Variants in SCMH1 observed in about 807,000 individuals in gnomAD.
SCMH1 encodes Scm polycomb group protein homolog 1, also known as polycomb protein SCMH1.
SCMH1 carries 37 observed loss-of-function variants against 70.8 expected under a neutral mutation model. The ratio of observed to expected loss-of-function variants is 0.52; its 90% CI spans 0.40 to 0.69. The LOEUF (loss-of-function observed/expected upper bound fraction) is 0.69. Ranked by LOEUF, SCMH1 falls within the 30% of genes least tolerant of loss-of-function variation. SCMH1 has a pLI of 0.00. For synonymous variants in SCMH1, 292 were observed against 307.4 expected (o/e 0.95, Z 0.52); for missense variants, 607 against 827.3 (o/e 0.73, Z 3.27).
chr1:41,119,085 A>G (rs754009876), intron 6 of SCMH1, among the ~76,000 whole-genome samples: 8 of 152,218 alleles, frequency 5.3e-5, no homozygotes, highest in Non-Finnish European at 1.0e-4. Context: ...GCAAACGAAA[A>G]GACAGGATTA....
chr1:41,173,842 T>A (rs1037861646), intron 2 of SCMH1, among the ~76,000 whole-genome samples: 1 of 152,098 alleles, frequency 6.6e-6, no homozygotes, highest in Non-Finnish European at 1.5e-5. Context: ...AACATCAGGT[T>A]AATGAAATAA....
At chr1:41,046,765 T>G (rs1033381913) in intron 11 of SCMH1, 167 bp from the exon 12 acceptor site, 5 of 608,754 alleles carry the variant, frequency 8.2e-6, no homozygotes, top group African/African-American at 1.9e-5. Flanking sequence ...CCTCGAGGGC[T>G]TTGATTTTTG....
intron 2 of SCMH1, among the ~76,000 whole-genome samples, chr1:41,171,258 T>G (rs1408636005): frequency 2.0e-5 from 3 of 152,182 alleles, no homozygotes; most frequent in Non-Finnish European, 4.4e-5. Context: ...GGGACAGCAT[T>G]TTGTCCAGCT....
intron 1 of SCMH1, among the ~76,000 whole-genome samples, chr1:41,238,989 ACAAT>A (rs1662947584): frequency 6.6e-6 from 1 of 152,150 alleles, no homozygotes; most frequent in South Asian, 2.1e-4. Flanking sequence ...ACCTGCACAT[ACAAT>A]CAATCATTAA....
intron 6 of SCMH1, 101 bp downstream of exon 6, chr1:41,142,777 G>A (rs917634315): frequency 1.0e-6 from 1 of 964,306 alleles, no homozygotes; most frequent in Non-Finnish European, 1.6e-6. Context: ...GAAAAATAAG[G>A]GATAAGCTGG....
intron 2 of SCMH1, among the ~76,000 whole-genome samples, chr1:41,181,517 C>T (rs958283720): frequency 2.0e-5 from 3 of 152,148 alleles, no homozygotes; most frequent in African/African-American, 4.8e-5. Flanking sequence ...AAACACACAA[C>T]CCCATCAAAA....
At chr1:41,186,138 A>T (rs1228862103) in exon 2 of SCMH1, 2 of 1,517,512 alleles carry the variant, frequency 1.3e-6, no homozygotes, top group Non-Finnish European at 1.8e-6. Context: ...CTGCATAGTC[A>T]ATGGACTAAA....
chr1:41,242,089 C>A lies in SCMH1; in HGVS notation c.-148G>T. Reference sequence around the variant, plus strand: ...GGCGCGGCGGGGGCGCGGGGCGGCTCACTCTCTTCCCGCCGCCATGTTTCC... The same window carrying A: ...GGCGCGGCGGGGGCGCGGGGCGGCTAACTCTCTTCCCGCCGCCATGTTTCC... On this transcript the variant is annotated 5_prime_UTR_variant, in exon 1 of 15. It removes the in-frame stop codon of an upstream open reading frame in the 5' UTR. Coordinates refer to ENST00000337495, the Ensembl canonical transcript of SCMH1. The surrounding 1 kb of genome is among the most constrained non-coding windows in gnomAD (Gnocchi z 5.2). 1 of 150,440 alleles carries A rather than the reference C, an allele frequency of 6.6e-6. No homozygotes were observed. The highest frequency in any genetic ancestry group is 1.9e-4 in the South Asian group (1 of 5,372). The allele number at this position is 150,440 out of a possible 1,614,324, so 9.3% of individuals were successfully genotyped here.
Position 41,113,614 on chromosome 1 carries a change from G to T in SCMH1, c.502-88C>A. The T allele has an allele frequency of 7.0e-7, 1 of 1,434,314 alleles. No individual in the cohort carries two copies. The highest frequency in any genetic ancestry group is 9.4e-7 in the Non-Finnish European group (1 of 1,067,276). The allele number at this position is 1,434,314 out of a possible 1,614,324, so 88.8% of individuals were successfully genotyped here. A position where few individuals can be genotyped will look rare whatever the true frequency, so the allele number is the denominator to read the frequency against. Reference sequence around the variant, plus strand: ...ACTATCTAATTTGGATGATTAAAAAGTGACTGCTACATGAGACTTATAATG... The same window carrying T: ...ACTATCTAATTTGGATGATTAAAAATTGACTGCTACATGAGACTTATAATG... On this transcript the variant is annotated intron_variant, in intron 7 of 14. Transcript: ENST00000337495. This position sits in a 1 kb window ranked among gnomAD's most constrained non-coding sequence, Gnocchi z 4.3.
rs532887385 is a variant in SCMH1, at chr1:41,041,978, A to G, written c.1498+4429T>C. Among the ~76,000 whole-genome samples the G allele has an allele frequency of 3.7e-4, 57 of 152,160 alleles. No individual in the cohort carries two copies. The South Asian group carries it at 0.012, about 31-fold the overall frequency. On this transcript the variant is annotated intron_variant, in intron 12 of 14. Coordinates refer to ENST00000337495, the Ensembl canonical transcript of SCMH1. Reference sequence around the variant, plus strand: ...CTGTCCTAACAATCTCCTGCCTCATACTGAGCCACTGCACCCGGCCGGGCC... The same window carrying G: ...CTGTCCTAACAATCTCCTGCCTCATGCTGAGCCACTGCACCCGGCCGGGCC...
At chr1:41,221,528 TTA>T (rs754247437) in intron 1 of SCMH1, among the ~76,000 whole-genome samples, 1 of 150,762 alleles carries the variant, frequency 6.6e-6, no homozygotes, top group Non-Finnish European at 1.5e-5. Flanking sequence ...ATAAATTTTG[TTA>T]TATATATATA....
At chr1:41,128,487 G>A (rs531873262) in intron 6 of SCMH1, among the ~76,000 whole-genome samples, 5 of 152,124 alleles carry the variant, frequency 3.3e-5, no homozygotes, top group Non-Finnish European at 7.3e-5. Context: ...CTGCTCCACT[G>A]TATTCTGGCT....
chr1:41,034,562 C>T (rs576973750), intron 13 of SCMH1, among the ~76,000 whole-genome samples: 6 of 152,198 alleles, frequency 3.9e-5, no homozygotes, highest in South Asian at 2.1e-4. Context: ...CTCTTGACCT[C>T]GTGATCCACC....
chr1:41,213,264 C>T (rs1490953581), intron 1 of SCMH1, among the ~76,000 whole-genome samples: 1 of 152,090 alleles, frequency 6.6e-6, no homozygotes, highest in Non-Finnish European at 1.5e-5. Context: ...AGGGAAGACA[C>T]ATAGATATGT....
intron 2 of SCMH1, among the ~76,000 whole-genome samples, chr1:41,179,368 G>T (rs188263155): frequency 6.6e-6 from 1 of 152,160 alleles, no homozygotes; most frequent in Non-Finnish European, 1.5e-5. Flanking sequence ...ACTAACATCA[G>T]AGCAGAACTG....
At chr1:41,162,621 C>G (rs1024066765) in intron 2 of SCMH1, among the ~76,000 whole-genome samples, 3 of 152,002 alleles carry the variant, frequency 2.0e-5, no homozygotes, top group Admixed American at 6.5e-5. Flanking sequence ...TTGCTGAGAG[C>G]TGCAGAGATG....
At chr1:41,206,950 A>G (rs1011335007) in intron 1 of SCMH1, among the ~76,000 whole-genome samples, 3 of 152,206 alleles carry the variant, frequency 2.0e-5, no homozygotes, top group African/African-American at 7.2e-5. Flanking sequence ...AAGCTTCATA[A>G]GTGAAGGAGA....
intron 5 of SCMH1, 75 bp from the exon 6 acceptor site, chr1:41,143,187 G>T: frequency 8.7e-7 from 1 of 1,146,656 alleles, no homozygotes; most frequent in East Asian, 2.4e-5. Flanking sequence ...ATTCAGATTG[G>T]TTATAGCTGG....
chr1:41,209,950 T>C (rs1239126565), intron 1 of SCMH1, among the ~76,000 whole-genome samples: 1 of 152,250 alleles, frequency 6.6e-6, no homozygotes, highest in Non-Finnish European at 1.5e-5. Context: ...CATGATTGCA[T>C]ATTTAGAAAA....
Sources: gnomAD v4.1 joint callset for allele counts (sites outside exome capture counted in the v4.1 genomes callset) on GRCh38, gnomAD v4.1.1 for gene constraint, Gnocchi (gnomAD v3.1) non-coding constraint, MANE v1.5 for transcripts, NCBI Gene and HGNC (gene_info 2026-07-23, HGNC 2026-07-21) for gene names.